The following KIAA1217 variants were observed in gnomAD, a reference collection of about 807,000 sequenced individuals.
The protein encoded by KIAA1217 is KIAA1217, also known as sickle tail protein homolog.
Under a neutral mutation model 163.9 loss-of-function variants are expected in KIAA1217, and 88 were observed. The ratio of observed to expected loss-of-function variants is 0.54; its 90% CI spans 0.45 to 0.64. KIAA1217 has a LOEUF of 0.64. Ranked by LOEUF, KIAA1217 falls within the 30% of genes least tolerant of loss-of-function variation. KIAA1217 has a pLI of 0.00. For synonymous variants in KIAA1217, 903 were observed against 923.1 expected (o/e 0.98, Z 0.39); for missense variants, 2,372 against 2,475.0 (o/e 0.96, Z 0.88).
chr10:23,765,187 CTTTTTTTTTTTTTT>C (rs67342339), intron 1 of KIAA1217, among the ~76,000 whole-genome samples: 4 of 75,358 alleles, frequency 5.3e-5, no homozygotes, highest in African/African-American at 1.2e-4. Context: ...TTTTTGTTCT[CTTTTTTTTTTTTTT>C]TTTTTTTTTT....
chr10:23,936,924 A>G (rs112815630), intron 1 of KIAA1217, among the ~76,000 whole-genome samples: 3 of 152,060 alleles, frequency 2.0e-5, no homozygotes, highest in African/African-American at 7.2e-5. Context: ...TGTCACCCAG[A>G]CTGGAGTGCA....
At chr10:23,708,627 G>A (rs765989483) in intron 1 of KIAA1217, among the ~76,000 whole-genome samples, 14 of 152,158 alleles carry the variant, frequency 9.2e-5, no homozygotes, top group Non-Finnish European at 1.5e-4. Context: ...CAGTCCTTGC[G>A]GAAGGCCACT....
At chr10:24,493,522 T>A (rs2066409401) in intron 6 of KIAA1217, among the ~76,000 whole-genome samples, 2 of 152,356 alleles carry the variant, frequency 1.3e-5, no homozygotes, top group South Asian at 4.1e-4. Context: ...CTGCGAAACG[T>A]CCATTGTCTG....
Position 24,543,734 on chromosome 10 carries a change from T to C in KIAA1217, c.4464T>C (p.Asn1488=). The stretch of plus-strand genomic sequence containing the variant: ...TAGAGGAGGAGGAAGAGGAGGAAAA[T>C]GGGGATTCTGTAGTCCAGAATAATA... ...EKIEEEEEEE[N]GDSVVQNNNT... The change falls in exon 19 of 21, where the codon AAT becomes AAC. Residue 1488 remains asparagine (N), a synonymous_variant. Coordinates refer to ENST00000376454, the MANE Select transcript of KIAA1217 (RefSeq NM_019590.5). The C allele has an allele frequency of 6.2e-7, 1 of 1,613,490 alleles. No homozygotes were observed. The highest frequency in any genetic ancestry group is 8.5e-7 in the Non-Finnish European group (1 of 1,179,808).
At chr10:23,855,455 C>A (rs983274970) in intron 1 of KIAA1217, among the ~76,000 whole-genome samples, 1 of 152,114 alleles carries the variant, frequency 6.6e-6, no homozygotes, top group Non-Finnish European at 1.5e-5. Context: ...ACATTTTTTC[C>A]TTCATTTCAA....
chr10:24,330,908 C>T (rs1033477256), intron 2 of KIAA1217, among the ~76,000 whole-genome samples: 1 of 151,914 alleles, frequency 6.6e-6, no homozygotes, highest in Non-Finnish European at 1.5e-5. Context: ...GCCACTGTGC[C>T]CAGCCAGGAC....
chr10:24,152,421 G>A (rs907277114), intron 2 of KIAA1217, among the ~76,000 whole-genome samples: 1 of 152,110 alleles, frequency 6.6e-6, no homozygotes, highest in Non-Finnish European at 1.5e-5. Flanking sequence ...ACCTTTCCGT[G>A]TGAATCAGTA....
intron 2 of KIAA1217, chr10:24,042,636 C>G (rs1286114304): frequency 1.3e-5 from 2 of 152,064 alleles, no homozygotes; most frequent in Non-Finnish European, 2.9e-5. Flanking sequence ...TTTCTAAAAT[C>G]CTGGAGTGTG....
chr10:24,544,730 G>A (rs2075519837), intron 19 of KIAA1217, among the ~76,000 whole-genome samples: 1 of 152,148 alleles, frequency 6.6e-6, no homozygotes, highest in Non-Finnish European at 1.5e-5. Context: ...TAAACACGAG[G>A]CTGCTGGGTC....
At chr10:24,273,237 G>A (rs2076936439) in intron 2 of KIAA1217, among the ~76,000 whole-genome samples, 1 of 152,152 alleles carries the variant, frequency 6.6e-6, no homozygotes, top group Non-Finnish European at 1.5e-5. Context: ...ACTATCAAGA[G>A]ATCAGACTCT....
At chr10:23,890,463 T>G (rs1841369839) in intron 1 of KIAA1217, among the ~76,000 whole-genome samples, 1 of 151,920 alleles carries the variant, frequency 6.6e-6, no homozygotes, top group Non-Finnish European at 1.5e-5. Context: ...ATTATTTATT[T>G]TGAAAGGCTT....
intron 1 of KIAA1217, among the ~76,000 whole-genome samples, chr10:23,728,323 T>G (rs937499049): frequency 1.1e-4 from 17 of 152,116 alleles, no homozygotes; most frequent in African/African-American, 4.1e-4. Context: ...CTCTCCAGCA[T>G]CTGTTGTTTC....
intron 1 of KIAA1217, among the ~76,000 whole-genome samples, chr10:23,723,819 T>C (rs934273605): frequency 2.6e-5 from 4 of 152,304 alleles, no homozygotes; most frequent in Middle Eastern, 3.4e-3. Flanking sequence ...TAAATACATG[T>C]GTATTAGGCC....
intron 2 of KIAA1217, among the ~76,000 whole-genome samples, chr10:24,352,185 A>C (rs184567045): frequency 6.1e-4 from 93 of 152,346 alleles, no homozygotes; most frequent in South Asian, 2.9e-3. Context: ...TGAACTCACA[A>C]TAGTGCTAAG....
intron 2 of KIAA1217, among the ~76,000 whole-genome samples, chr10:24,192,435 C>G (rs1414678242): frequency 1.3e-5 from 2 of 152,150 alleles, no homozygotes; most frequent in African/African-American, 4.8e-5. Flanking sequence ...TTCTCAATGT[C>G]AAGGTATCAT....
chr10:24,103,279 A>G (rs966018097), intron 2 of KIAA1217, among the ~76,000 whole-genome samples: 8 of 152,338 alleles, frequency 5.3e-5, no homozygotes, highest in African/African-American at 1.9e-4. Context: ...CAAAATGGAT[A>G]TAAATGCAAA....
intron 10 of KIAA1217, among the ~76,000 whole-genome samples, chr10:24,516,522 C>T (rs918968567): frequency 2.0e-5 from 3 of 152,192 alleles, no homozygotes; most frequent in African/African-American, 4.8e-5. Flanking sequence ...CAAACAAAGC[C>T]GGTGATTCTG....
At chr10:23,797,280 G>C (rs1325247025) in intron 1 of KIAA1217, among the ~76,000 whole-genome samples, 1 of 152,038 alleles carries the variant, frequency 6.6e-6, no homozygotes, top group African/African-American at 2.4e-5. Flanking sequence ...CTCATGACTC[G>C]TGACACTGGG....
intron 2 of KIAA1217, among the ~76,000 whole-genome samples, chr10:24,203,786 C>T (rs1457821733): frequency 6.6e-6 from 1 of 152,196 alleles, no homozygotes; most frequent in Non-Finnish European, 1.5e-5. Flanking sequence ...GGGAAATATG[C>T]CATGGTTTTG....
Sources: allele counts gnomAD v4.1 joint callset (sites outside exome capture counted in the v4.1 genomes callset), GRCh38; gene constraint gnomAD v4.1.1; transcripts MANE v1.5; gene names NCBI Gene and HGNC (gene_info 2026-07-23, HGNC 2026-07-21).